Variants in NXPE4 observed in about 807,000 individuals in gnomAD.
The protein encoded by NXPE4 is neurexophilin and PC-esterase domain family member 4.
Under a neutral mutation model 33.3 loss-of-function variants are expected in NXPE4, and 42 were observed. The observed-to-expected ratio is 1.26, with a 90% CI of 0.98 to 1.63. The LOEUF (loss-of-function observed/expected upper bound fraction) is 1.63, where lower values mean the gene tolerates loss of function less well. NXPE4 is among the 40% of genes most tolerant of loss of function. The pLI is 0.00. For missense variants in NXPE4, 709 were observed against 647.6 expected (o/e 1.09, Z -1.03); for synonymous variants, 253 against 234.9 (o/e 1.08, Z -0.71).
chr11:114,659,523 A>T, the NXPE4 span, among the ~76,000 whole-genome samples: 1 of 151,660 alleles, frequency 6.6e-6, no homozygotes, highest in Non-Finnish European at 1.5e-5. Flanking sequence ...TAACAAAAAA[A>T]GTTTGGAAAA....
At chr11:114,591,571 C>T (rs1241122091) in intron 2 of NXPE4, among the ~76,000 whole-genome samples, 1 of 152,062 alleles carries the variant, frequency 6.6e-6, no homozygotes, top group Non-Finnish European at 1.5e-5. Flanking sequence ...GAAATTAAGC[C>T]TCAGTACTCC....
chr11:114,617,258 T>A, the NXPE4 span, among the ~76,000 whole-genome samples: 2 of 152,088 alleles, frequency 1.3e-5, no homozygotes, highest in Non-Finnish European at 2.9e-5. Context: ...TGTTACCTGG[T>A]GGATGATAAA....
At position 114,570,670 on chromosome 11, in the gene NXPE4, T is replaced by C. The variant is rs1454663264; in HGVS notation, c.*268A>G. 3.8e-6 allele frequency: 1 copy of C among 264,436 alleles called. No homozygotes were observed. The highest frequency in any genetic ancestry group is 2.2e-5 in the African/African-American group (1 of 45,030). 16.4% of individuals were successfully genotyped at this position (264,436 alleles called of 1,614,324 possible). A position where few individuals can be genotyped will look rare whatever the true frequency, so the allele number is the denominator to read the frequency against. On this transcript the variant is annotated 3_prime_UTR_variant, in exon 6 of 6. Transcript: ENST00000375478. ...ATCAGAGAGAACTTTTACCCATAGG[T>C]GTCTTGACTTCCCATTGGTGAAGAG...
At chr11:114,664,263 G>C in the NXPE4 span, among the ~76,000 whole-genome samples, 2 of 152,060 alleles carry the variant, frequency 1.3e-5, no homozygotes, top group South Asian at 2.1e-4. Context: ...GACTAAAAAG[G>C]CTTATATAAC....
the NXPE4 span, among the ~76,000 whole-genome samples, chr11:114,634,565 T>G: frequency 6.6e-6 from 1 of 152,064 alleles, no homozygotes; most frequent in African/African-American, 2.4e-5. Context: ...TGGTATTGCC[T>G]AGGTTTTCTT....
At chr11:114,579,978 T>A (rs1032045513) in intron 5 of NXPE4, among the ~76,000 whole-genome samples, 154 bp downstream of exon 5, 1 of 152,206 alleles carries the variant, frequency 6.6e-6, no homozygotes, top group Non-Finnish European at 1.5e-5. Flanking sequence ...ATTGTTTTTT[T>A]AAAGGAAGGA....
chr11:114,589,287 T>G (rs1949385216), intron 2 of NXPE4, among the ~76,000 whole-genome samples: 1 of 152,056 alleles, frequency 6.6e-6, no homozygotes, highest in African/African-American at 2.4e-5. Flanking sequence ...CTGGCTCCAG[T>G]GGCTCAAATT....
chr11:114,601,884 T>TATATATTATATTTATATATTATATAA, the NXPE4 span, among the ~76,000 whole-genome samples: 3 of 15,796 alleles, frequency 1.9e-4, no homozygotes, highest in Non-Finnish European at 2.6e-4. Context: ...TTATATATAA[T>TATATATTATATTTATATATTATATAA]TATATATTAT....
the NXPE4 span, among the ~76,000 whole-genome samples, chr11:114,676,747 G>A: frequency 1.3e-5 from 2 of 151,902 alleles, no homozygotes; most frequent in African/African-American, 2.4e-5. Context: ...CAGCAATCCC[G>A]CTAATGGGTA....
the NXPE4 span, among the ~76,000 whole-genome samples, chr11:114,658,099 A>G: frequency 2.0e-5 from 3 of 152,194 alleles, no homozygotes; most frequent in East Asian, 5.8e-4. Flanking sequence ...GGCATCATCA[A>G]TCCCGTCATA....
At chr11:114,663,985 C>T in the NXPE4 span, among the ~76,000 whole-genome samples, 1 of 152,104 alleles carries the variant, frequency 6.6e-6, no homozygotes, top group Non-Finnish European at 1.5e-5. Context: ...AACAGTTTGA[C>T]AGTTTCTTAT....
the NXPE4 span, among the ~76,000 whole-genome samples, chr11:114,651,547 T>C: frequency 6.6e-6 from 1 of 152,232 alleles, no homozygotes; most frequent in Admixed American, 6.5e-5. Context: ...AGATTGCCAC[T>C]GCTGGCTTTG....
At chr11:114,640,704 T>C in the NXPE4 span, among the ~76,000 whole-genome samples, 1 of 152,036 alleles carries the variant, frequency 6.6e-6, no homozygotes, top group African/African-American at 2.4e-5. Context: ...TCCCTGATGA[T>C]TAGTGATACT....
At chr11:114,580,072 T>G (rs1949099972) in intron 5 of NXPE4, 60 bp downstream of exon 5, 2 of 1,406,798 alleles carry the variant, frequency 1.4e-6, no homozygotes, top group Non-Finnish European at 2.0e-6. Flanking sequence ...CCTTCTCCCC[T>G]TTGAAATGGA....
chr11:114,617,377 T>C, the NXPE4 span, among the ~76,000 whole-genome samples: 1 of 152,248 alleles, frequency 6.6e-6, no homozygotes, highest in East Asian at 1.9e-4. Flanking sequence ...TAACCACTGT[T>C]ACCCGGTAGA....
the NXPE4 span, among the ~76,000 whole-genome samples, chr11:114,666,425 C>T: frequency 6.6e-6 from 1 of 152,032 alleles, no homozygotes; most frequent in South Asian, 2.1e-4. Flanking sequence ...AAAATCAATT[C>T]AATTTGATTA....
rs989320437 is a variant in NXPE4 at position 114,581,287 on chromosome 11, G to A, written c.892+438C>T. On this transcript the variant is annotated intron_variant, in intron 4 of 5. Transcript: ENST00000375478. The stretch of plus-strand genomic sequence containing the variant: ...TATGCTAACAATTGTTTGAAAGGTG[G>A]CAAAGATCAAGAGGGAGGGGTTATA... Among the ~76,000 whole-genome samples the A allele has an allele frequency of 3.3e-5, 5 of 152,124 alleles. 1 individual carries two copies. The South Asian group carries it at 8.3e-4, about 25-fold the overall frequency.
At chr11:114,665,776 A>G in the NXPE4 span, among the ~76,000 whole-genome samples, 1 of 152,178 alleles carries the variant, frequency 6.6e-6, no homozygotes, top group Non-Finnish European at 1.5e-5. Flanking sequence ...AAGACTGTGC[A>G]GGTTTAAAGT....
the NXPE4 span, among the ~76,000 whole-genome samples, chr11:114,616,275 G>A: frequency 3.3e-5 from 5 of 151,432 alleles, no homozygotes; most frequent in South Asian, 2.1e-4. Flanking sequence ...ATGTTGCCTC[G>A]TGGGTAGCCA....
Sources: gnomAD v4.1 joint callset for allele counts (sites outside exome capture counted in the v4.1 genomes callset) on GRCh38, gnomAD v4.1.1 for gene constraint, MANE v1.5 for transcripts, NCBI Gene and HGNC (gene_info 2026-07-23, HGNC 2026-07-21) for gene names.